The following GRM7 variants were observed in gnomAD, a reference collection of about 807,000 sequenced individuals.
The protein encoded by GRM7 is glutamate metabotropic receptor 7, also known as metabotropic glutamate receptor 7.
GRM7 carries 35 observed loss-of-function variants against 84.5 expected under a neutral mutation model. That is an observed-to-expected ratio of 0.41 (90% confidence interval 0.32 to 0.55). The LOEUF (loss-of-function observed/expected upper bound fraction) is 0.55. GRM7 is among the 20% of genes least tolerant of loss of function. GRM7 has a pLI of 0.19. For missense variants in GRM7, 1,003 were observed against 1,194.6 expected, an observed-to-expected ratio of 0.84 and a Z score of 2.36; for synonymous variants, 487 against 455.1, an observed-to-expected ratio of 1.07 and a Z score of -0.89.
intron 9 of GRM7, among the ~76,000 whole-genome samples, chr3:7,737,967 C>A (rs1702560981): frequency 1.3e-5 from 2 of 151,936 alleles, no homozygotes; most frequent in South Asian, 4.1e-4. Flanking sequence ...CCTGCCTCAG[C>A]CTCCCGAGTA....
intron 4 of GRM7, among the ~76,000 whole-genome samples, chr3:7,380,697 A>C (rs1357071355): frequency 1.3e-5 from 2 of 152,128 alleles, no homozygotes; most frequent in African/African-American, 4.8e-5. Context: ...AGACCTGCCC[A>C]ATTTTGAACA....
chr3:6,948,817 C>A (rs1359647389), intron 1 of GRM7, among the ~76,000 whole-genome samples: 3 of 152,168 alleles, frequency 2.0e-5, no homozygotes, highest in Non-Finnish European at 4.4e-5. Flanking sequence ...TAATGGCCTT[C>A]TTTGTGTGTT....
At chr3:7,503,692 T>C (rs979768325) in intron 7 of GRM7, among the ~76,000 whole-genome samples, 1 of 152,206 alleles carries the variant, frequency 6.6e-6, no homozygotes, top group African/African-American at 2.4e-5. Context: ...AATGTCGGCA[T>C]GTTTGTCACT....
At chr3:7,696,878 T>C (rs1701040031) in intron 9 of GRM7, among the ~76,000 whole-genome samples, 1 of 152,136 alleles carries the variant, frequency 6.6e-6, no homozygotes, top group Non-Finnish European at 1.5e-5. Context: ...AATTTATATA[T>C]TGGGAGAGCT....
At chr3:7,465,415 CA>C (rs1258499518) in intron 7 of GRM7, among the ~76,000 whole-genome samples, 3 of 152,156 alleles carry the variant, frequency 2.0e-5, no homozygotes, top group Admixed American at 6.5e-5. Flanking sequence ...GAATTGTGTT[CA>C]GGGGGATTAA....
At chr3:7,221,877 G>GC (rs1696815901) in intron 2 of GRM7, among the ~76,000 whole-genome samples, 2 of 147,420 alleles carry the variant, frequency 1.4e-5, no homozygotes, top group African/African-American at 5.0e-5. Flanking sequence ...TGCAATCTTG[G>GC]CTCACTGCAA....
At chr3:6,963,514 A>G (rs1167076416) in intron 1 of GRM7, among the ~76,000 whole-genome samples, 3 of 152,156 alleles carry the variant, frequency 2.0e-5, no homozygotes, top group Non-Finnish European at 4.4e-5. Context: ...AGTCCCAGCA[A>G]CTTTGGGGGC....
At chr3:7,005,241 G>T (rs1695144735) in intron 1 of GRM7, among the ~76,000 whole-genome samples, 1 of 152,182 alleles carries the variant, frequency 6.6e-6, no homozygotes, top group Non-Finnish European at 1.5e-5. Context: ...GCTACCTTCT[G>T]TGAAAGCCCA....
intron 7 of GRM7, among the ~76,000 whole-genome samples, chr3:7,534,451 G>A (rs1474801479): frequency 6.6e-6 from 1 of 152,164 alleles, no homozygotes; most frequent in Non-Finnish European, 1.5e-5. Flanking sequence ...TTAGAATACT[G>A]TAGGATCAGG....
chr3:7,471,177 T>A (rs1432311363), intron 7 of GRM7, among the ~76,000 whole-genome samples: 2 of 151,420 alleles, frequency 1.3e-5, no homozygotes, highest in Non-Finnish European at 2.9e-5. Flanking sequence ...TTTGTGGTCA[T>A]GTTTCTTGTA....
intron 7 of GRM7, among the ~76,000 whole-genome samples, chr3:7,572,054 G>A (rs945222269): frequency 3.1e-4 from 47 of 152,238 alleles, no homozygotes; most frequent in African/African-American, 1.1e-3. Context: ...CTCCCATCAC[G>A]TTCCTCCCAT....
intron 4 of GRM7, among the ~76,000 whole-genome samples, chr3:7,328,546 C>T (rs1035747553): frequency 4.6e-5 from 7 of 152,224 alleles, no homozygotes; most frequent in East Asian, 3.9e-4. Flanking sequence ...GCTGCCTTTG[C>T]CTGTGAGTCA....
intron 1 of GRM7, among the ~76,000 whole-genome samples, chr3:6,948,577 G>A (rs909860861): frequency 6.6e-6 from 1 of 152,128 alleles, no homozygotes; most frequent in South Asian, 2.1e-4. Context: ...AGGTCCGCTT[G>A]GTGCAGAGCT....
chr3:7,208,346 G>A (rs1696307153), intron 2 of GRM7, among the ~76,000 whole-genome samples: 1 of 152,126 alleles, frequency 6.6e-6, no homozygotes, highest in Non-Finnish European at 1.5e-5. Context: ...CAGTGCAGTG[G>A]GCTTGGGGCT....
At chr3:7,068,530 C>G (rs533164865) in intron 1 of GRM7, among the ~76,000 whole-genome samples, 23 of 152,110 alleles carry the variant, frequency 1.5e-4, no homozygotes, top group African/African-American at 5.5e-4. Context: ...TAAACTCTAT[C>G]TTGAGCATGC....
intron 4 of GRM7, among the ~76,000 whole-genome samples, chr3:7,360,762 A>C (rs1204344426): frequency 6.6e-6 from 1 of 152,142 alleles, no homozygotes; most frequent in Non-Finnish European, 1.5e-5. Flanking sequence ...ATGGGCAAAT[A>C]ATCATCAAAA....
At chr3:7,379,490 T>C (rs1694499033) in intron 4 of GRM7, among the ~76,000 whole-genome samples, 1 of 152,198 alleles carries the variant, frequency 6.6e-6, no homozygotes, top group African/African-American at 2.4e-5. Context: ...ATCCTGAGCC[T>C]TAGTATGCTA....
chr3:7,077,654 T>C (rs1433869948), intron 1 of GRM7, among the ~76,000 whole-genome samples: 3 of 152,018 alleles, frequency 2.0e-5, no homozygotes, highest in East Asian at 1.9e-4. Context: ...CAAACCACCA[T>C]GGCACGTGTA....
At chr3:7,459,853 A>G (rs575442397) in intron 6 of GRM7, among the ~76,000 whole-genome samples, 1 of 151,956 alleles carries the variant, frequency 6.6e-6, no homozygotes, top group African/African-American at 2.4e-5. Context: ...AAGCAAGGGA[A>G]CTCAGTAAGC....
Sources: allele counts gnomAD v4.1 joint callset (sites outside exome capture counted in the v4.1 genomes callset), GRCh38; gene constraint gnomAD v4.1.1; transcripts MANE v1.5; gene names NCBI Gene and HGNC (gene_info 2026-07-23, HGNC 2026-07-21).